GPR89A: variants seen among roughly 807,000 people sequenced by gnomAD.
The protein encoded by GPR89A is golgi pH regulator A.
In GPR89A, 16 loss-of-function variants were observed where a neutral mutation model predicts 52.0. That is an observed-to-expected ratio of 0.31 (90% confidence interval 0.21 to 0.47). The LOEUF (loss-of-function observed/expected upper bound fraction) is 0.47. Among genes scored for constraint, GPR89A ranks in the 20% least tolerant of loss-of-function variants. The pLI is 1.00. For synonymous variants in GPR89A, 55 were observed against 150.9 expected, an observed-to-expected ratio of 0.36 and a Z score of 4.66; for missense variants, 135 against 449.4, an observed-to-expected ratio of 0.30 and a Z score of 6.33.
intron 5 of GPR89A, among the ~76,000 whole-genome samples, chr1:145,627,496 A>G (rs1336085804): frequency 6.6e-6 from 1 of 152,056 alleles, no homozygotes. Context: ...TTCAAGAGGT[A>G]TACGGCAAGT....
rs182851609 is a variant in GPR89A, at chr1:145,612,402, T to C, written c.43-3832T>C. On this transcript the variant is annotated intron_variant, in intron 1 of 13. Transcript: ENST00000313835. ...ACCTACCTTTGATCTTAGAGTAGCGTATTTTGAAGTGGTTAAAAGCACAGA... is the reference window on the plus strand; with the variant it reads ...ACCTACCTTTGATCTTAGAGTAGCGCATTTTGAAGTGGTTAAAAGCACAGA... Among the ~76,000 whole-genome samples, 250 of 152,258 alleles carry C rather than the reference T, an allele frequency of 1.6e-3. 1 individual carries two copies. The highest frequency in any genetic ancestry group is 5.7e-3 in the African/African-American group (236 of 41,544).
intron 1 of GPR89A, 141 bp from the exon 2 acceptor site, chr1:145,616,093 G>A (rs1456448301): frequency 4.6e-6 from 3 of 649,214 alleles, no homozygotes; most frequent in Non-Finnish European, 8.1e-6. Flanking sequence ...TTAATAATAG[G>A]TCTTATAAGA....
Position 145,646,182 on chromosome 1 carries a change from A to G in GPR89A, c.728-2A>G. 6.2e-7 allele frequency: 1 copy of G among 1,612,938 alleles called. No homozygotes were observed. Reference sequence around the variant, plus strand: ...AAAACCTTGATGCCCATTCTGTGCCAGATCTTACTCTTATTCAACAGGAAG... The same window carrying G: ...AAAACCTTGATGCCCATTCTGTGCCGGATCTTACTCTTATTCAACAGGAAG... On this transcript the variant is annotated splice_acceptor_variant, in intron 8 of 13. Coordinates refer to ENST00000313835, the MANE Select transcript of GPR89A (RefSeq NM_001097612.2). LOFTEE classifies it high-confidence loss of function.
intron 10 of GPR89A, among the ~76,000 whole-genome samples, chr1:145,654,552 A>C (rs1448668511): frequency 0.76 from 240 of 316 alleles, 105 homozygotes; most frequent in Middle Eastern, 1. Flanking sequence ...GAATCCATCT[A>C]CAAAAAAAAA....
intron 5 of GPR89A, among the ~76,000 whole-genome samples, chr1:145,629,332 T>C (rs1649738451): frequency 6.6e-6 from 1 of 152,172 alleles, no homozygotes; most frequent in Admixed American, 6.5e-5. Context: ...TGGAAAATGT[T>C]GAATTTTGCA....
chr1:145,617,643 A>C (rs587649781), intron 2 of GPR89A, among the ~76,000 whole-genome samples: 133 of 152,198 alleles, frequency 8.7e-4, no homozygotes, highest in African/African-American at 2.8e-3. Flanking sequence ...ATAAATGTCC[A>C]TGAAACAATT....
rs1349660416 is a variant in GPR89A, at chr1:145,670,631, A to G, written c.*591A>G. 5.9e-6 allele frequency: 1 copy of G among 170,634 alleles called. No homozygotes were observed. The highest frequency in any genetic ancestry group is 1.7e-4 in the East Asian group (1 of 6,026). 10.6% of individuals were successfully genotyped at this position (170,634 alleles called of 1,614,324 possible). ...GGGAAAGGGGTGGTATGCACCTGAA[A>G]TAGATTTTACCAAAAGAGAGATTTC... On this transcript the variant is annotated 3_prime_UTR_variant, in exon 14 of 14. Coordinates refer to ENST00000313835, the MANE Select transcript of GPR89A (RefSeq NM_001097612.2).
chr1:145,650,954 C>T (rs1571525992), intron 10 of GPR89A, among the ~76,000 whole-genome samples: 1 of 151,306 alleles, frequency 6.6e-6, no homozygotes, highest in Non-Finnish European at 1.5e-5. Context: ...GTCTGTTCAC[C>T]CTGATGATAG....
intron 7 of GPR89A, among the ~76,000 whole-genome samples, chr1:145,632,024 A>AC (rs1360740190): frequency 2.7e-4 from 21 of 78,908 alleles, no homozygotes; most frequent in Admixed American, 8.8e-4. Flanking sequence ...AAAAATATAA[A>AC]AATTTTTTTA....
intron 5 of GPR89A, among the ~76,000 whole-genome samples, chr1:145,626,736 G>C (rs1282542126): frequency 6.6e-6 from 1 of 151,508 alleles, no homozygotes; most frequent in East Asian, 1.9e-4. Context: ...TATCACTTGA[G>C]GCCAGGAGTT....
chr1:145,615,881 A>G (rs1478830173), intron 1 of GPR89A, among the ~76,000 whole-genome samples: 1 of 151,978 alleles, frequency 6.6e-6, no homozygotes, highest in Non-Finnish European at 1.5e-5. Flanking sequence ...TGTCCTCCCA[A>G]AGTGCTGGGA....
At chr1:145,616,020 T>G (rs1182724887) in intron 1 of GPR89A, among the ~76,000 whole-genome samples, 2 of 151,288 alleles carry the variant, frequency 1.3e-5, no homozygotes, top group African/African-American at 4.9e-5. Flanking sequence ...AAGCATACTC[T>G]GTAACATGGA....
intron 2 of GPR89A, among the ~76,000 whole-genome samples, chr1:145,617,237 G>A (rs1299193525): frequency 6.6e-6 from 1 of 152,140 alleles, no homozygotes; most frequent in East Asian, 1.9e-4. Context: ...GAATTCAGCA[G>A]TATTTCTCCT....
chr1:145,615,753 G>A (rs1295840171), intron 1 of GPR89A, among the ~76,000 whole-genome samples: 1 of 149,830 alleles, frequency 6.7e-6, no homozygotes, highest in African/African-American at 2.5e-5. Context: ...AGCCTTTGGA[G>A]TAGCTGGGAA....
chr1:145,652,769 G>T (rs1553693731), intron 10 of GPR89A, among the ~76,000 whole-genome samples: 1 of 138,604 alleles, frequency 7.2e-6, no homozygotes, highest in Non-Finnish European at 1.5e-5. Flanking sequence ...TTTTCTAGTT[G>T]ATTTGCATAG....
intron 7 of GPR89A, among the ~76,000 whole-genome samples, chr1:145,638,845 C>A (rs1431369642): frequency 1.4e-5 from 2 of 138,316 alleles, no homozygotes; most frequent in Non-Finnish European, 3.0e-5. Flanking sequence ...TCAGTTGTAG[C>A]CAGGAGCAGT....
At chr1:145,623,193 A>G in intron 4 of GPR89A, 33 bp downstream of exon 4, 2 of 1,611,812 alleles carry the variant, frequency 1.2e-6, no homozygotes, top group Non-Finnish European at 1.7e-6. Context: ...CAGCATATAG[A>G]TTGAGATGAG....
intron 7 of GPR89A, among the ~76,000 whole-genome samples, chr1:145,634,254 A>G (rs2101778345): frequency 6.6e-6 from 1 of 151,708 alleles, no homozygotes; most frequent in African/African-American, 2.4e-5. Context: ...TTATTTTTGT[A>G]TTTTTGGTAG....
chr1:145,641,246 C>T (rs587599763), intron 7 of GPR89A, among the ~76,000 whole-genome samples: 1 of 151,266 alleles, frequency 6.6e-6, no homozygotes, highest in South Asian at 2.1e-4. Context: ...AAAAAGAATC[C>T]CCAAAGAATA....
Sources: allele counts gnomAD v4.1 joint callset (sites outside exome capture counted in the v4.1 genomes callset), GRCh38; gene constraint gnomAD v4.1.1; transcripts MANE v1.5; gene names NCBI Gene and HGNC (gene_info 2026-07-23, HGNC 2026-07-21).